ARID1B: variants seen among roughly 807,000 people sequenced by gnomAD.
The protein encoded by ARID1B is AT-rich interactive domain-containing protein 1B.
A neutral mutation model predicts 212.3 loss-of-function variants in ARID1B; 30 were observed. The observed-to-expected ratio is 0.14, with a 90% CI of 0.11 to 0.19. The LOEUF (loss-of-function observed/expected upper bound fraction) is 0.19, where lower values mean the gene tolerates loss of function less well. Among genes scored for constraint, ARID1B ranks in the 10% least tolerant of loss-of-function variants. The probability of loss-of-function intolerance (pLI) is 1.00; values close to 1 mark genes in which losing one functional copy is unlikely to be tolerated. For synonymous variants in ARID1B, 1,402 were observed against 1,301.7 expected, an observed-to-expected ratio of 1.08 and a Z score of -1.66; for missense variants, 2,891 against 3,204.0, an observed-to-expected ratio of 0.90 and a Z score of 2.36.
rs552215250 is a variant in ARID1B, at chr6:157,097,016, G to T, written c.2491+12111G>T. On this transcript the variant is annotated intron_variant, in intron 5 of 19. Transcript: ENST00000636930. ...CTGGAGATTTCACTCAGGAGCCTGGGGTTTTTTGTTTGTTTGTTTTTTAAG... is the reference window on the plus strand; with the variant it reads ...CTGGAGATTTCACTCAGGAGCCTGGTGTTTTTTGTTTGTTTGTTTTTTAAG... Among the ~76,000 whole-genome samples, 44 of 152,166 alleles carry T rather than the reference G, an allele frequency of 2.9e-4. 3 individuals carry two copies. The South Asian group carries it at 7.5e-3, about 26-fold the overall frequency.
chr6:156,790,532 A>G (rs1779940612), intron 1 of ARID1B, among the ~76,000 whole-genome samples: 1 of 152,230 alleles, frequency 6.6e-6, no homozygotes, highest in African/African-American at 2.4e-5. Context: ...CAAATTGGTA[A>G]AATGGATCTT....
At chr6:156,872,765 C>G (rs911484376) in intron 2 of ARID1B, among the ~76,000 whole-genome samples, 1 of 151,342 alleles carries the variant, frequency 6.6e-6, no homozygotes, top group Non-Finnish European at 1.5e-5. Context: ...CTCTTCAGCA[C>G]CCTTTTCCAA....
At chr6:156,927,774 T>C (rs891822338) in intron 3 of ARID1B, among the ~76,000 whole-genome samples, 2 of 152,236 alleles carry the variant, frequency 1.3e-5, no homozygotes, top group Non-Finnish European at 2.9e-5. Flanking sequence ...ATTCTAAGTA[T>C]AAGCTCCTAG....
In ARID1B at chr6:156,778,864, G is replaced by A; in HGVS notation, c.1184G>A (p.Gly395Asp). 1 of 1,408,164 alleles carries A rather than the reference G, an allele frequency of 7.1e-7. No homozygotes were observed. Among genetic ancestry groups the A allele is most frequent in the Non-Finnish European group, 9.3e-7 (1 of 1,077,736 alleles). The allele number at this position is 1,408,164 out of a possible 1,614,324, so 87.2% of individuals were successfully genotyped here. The change falls in exon 1 of 20, where the codon GGC becomes GAC. Residue 395 changes from glycine to aspartate, a missense_variant. This residue lies in a region of ARID1B where 1,643 missense variants were observed against 1,544.0 expected (regional missense o/e 1.06). Transcript: ENST00000636930. ...SRPGAGGGGGGGGGGGGGSGG... is the reference protein window; with the variant it reads ...SRPGAGGGGGDGGGGGGGSGG... The stretch of plus-strand genomic sequence containing the variant: ...CCCGGCGCGGGCGGCGGCGGCGGCG[G>A]CGGCGGCGGAGGAGGAGGAGGCAGC...
chr6:156,983,154 G>A (rs1444574277), intron 4 of ARID1B, among the ~76,000 whole-genome samples: 1 of 151,856 alleles, frequency 6.6e-6, no homozygotes, highest in South Asian at 2.1e-4. Context: ...TGTAATCCCA[G>A]CATAGGCTGA....
At position 156,935,473 on chromosome 6, in the gene ARID1B, C is replaced by T; in HGVS notation, c.2144C>T (p.Ser715Phe). The change falls in exon 4 of 20, where the codon TCT becomes TTT. Residue 715 changes from serine to phenylalanine, a missense_variant. Ser to Phe is a radical substitution (Grantham distance 155, BLOSUM62 -2). Around this residue, in one of 7 missense-constraint regions of ARID1B, gnomAD observed 1,643 missense variants for 1,544.0 expected, o/e 1.06. Coordinates refer to ENST00000636930, the MANE Select transcript of ARID1B (RefSeq NM_001374828.1). ...QQRYQPQQDM[S>F]QEGYGTRSQP... ...GTTTGTGTTTTTTTTTAGGACATGT[C>T]TCAGGAAGGCTATGGAACTAGATCT... 6.2e-7 allele frequency: 1 copy of T among 1,611,810 alleles called. No homozygotes were observed.
At chr6:157,090,102 A>C (rs1785186400) in intron 5 of ARID1B, among the ~76,000 whole-genome samples, 1 of 152,238 alleles carries the variant, frequency 6.6e-6, no homozygotes, top group Non-Finnish European at 1.5e-5. Context: ...CTCCAGAGCC[A>C]GCCATTCCAG....
rs150698489 is a variant in ARID1B, at chr6:157,207,754, A to T, written c.6982A>T (p.Met2328Leu). 4.6e-5 allele frequency: 73 copies of T among 1,584,864 alleles called. 1 individual carries two copies. Among genetic ancestry groups the T allele is most frequent in the Non-Finnish European group, 5.7e-5 (66 of 1,159,888 alleles). Residue 2328 changes from methionine to leucine, a missense_variant, in exon 20 of 20, where the codon ATG becomes TTG. Transcript: ENST00000636930. This position sits in a 1 kb window ranked among gnomAD's most constrained non-coding sequence, Gnocchi z 8.5. ...MCRAAKALLA[M>L]ARVDENRSEF... ...CAGGGCGGCCAAGGCTTTGCTAGCC[A>T]TGGCCAGAGTGGACGAAAACCGCTC...
At chr6:157,031,582 G>A (rs188695867) in intron 4 of ARID1B, among the ~76,000 whole-genome samples, 1 of 152,210 alleles carries the variant, frequency 6.6e-6, no homozygotes, top group Admixed American at 6.5e-5. Flanking sequence ...CCTGGAATTG[G>A]AGGCAAAATC....
chr6:156,871,410 G>A (rs1045190789), intron 2 of ARID1B, among the ~76,000 whole-genome samples: 4 of 152,236 alleles, frequency 2.6e-5, no homozygotes, highest in African/African-American at 9.6e-5. Flanking sequence ...GCTAGACAGA[G>A]TGGAAATCAG....
chr6:157,056,011 C>T (rs2128391624), intron 4 of ARID1B, among the ~76,000 whole-genome samples: 1 of 152,230 alleles, frequency 6.6e-6, no homozygotes, highest in African/African-American at 2.4e-5. Context: ...TAGGTCAGAC[C>T]CACCCAGGAA....
chr6:157,035,354 A>G (rs560308296), intron 4 of ARID1B, among the ~76,000 whole-genome samples: 1 of 152,370 alleles, frequency 6.6e-6, no homozygotes, highest in East Asian at 1.9e-4. Flanking sequence ...CGATGTTCAC[A>G]GTATTTAAGA....
intron 4 of ARID1B, among the ~76,000 whole-genome samples, chr6:157,054,971 T>C (rs540221690): frequency 1.3e-5 from 2 of 152,278 alleles, no homozygotes; most frequent in South Asian, 4.1e-4. Context: ...TTCCATTCAG[T>C]TTAGAACTGG....
intron 4 of ARID1B, among the ~76,000 whole-genome samples, chr6:157,033,505 G>T (rs12199527): frequency 0.31 from 46,675 of 152,114 alleles, 7,324 homozygotes; most frequent in Non-Finnish European, 0.32. Flanking sequence ...TAAAAAGGAC[G>T]TTGAAAGTGA....
chr6:156,793,232 C>A (rs1780131404), intron 1 of ARID1B, among the ~76,000 whole-genome samples: 1 of 152,070 alleles, frequency 6.6e-6, no homozygotes, highest in Non-Finnish European at 1.5e-5. Flanking sequence ...GTCAGGATGG[C>A]CAAGTGGAGA....
At chr6:156,821,051 G>C (rs1274167030) in intron 1 of ARID1B, among the ~76,000 whole-genome samples, 1 of 152,238 alleles carries the variant, frequency 6.6e-6, no homozygotes, top group Non-Finnish European at 1.5e-5. Flanking sequence ...TGATTTCATT[G>C]ATGGTTGATG....
rs958517873 is a variant in ARID1B at position 157,206,065 on chromosome 6, G to A, written c.5395-102G>A. 7.1e-6 allele frequency: 9 copies of A among 1,262,236 alleles called. No individual in the cohort carries two copies. The South Asian group carries it at 1.3e-4, about 18-fold the overall frequency. The allele number at this position is 1,262,236 out of a possible 1,614,324, so 78.2% of individuals were successfully genotyped here. ...GGGAGACAAACGTGTGACAATGATGGAAAGGTATTGACGGGTCTCAGGATC... is the reference window on the plus strand; with the variant it reads ...GGGAGACAAACGTGTGACAATGATGAAAAGGTATTGACGGGTCTCAGGATC... On this transcript the variant is annotated intron_variant, in intron 19 of 19. Transcript: ENST00000636930. This position sits in a 1 kb window ranked among gnomAD's most constrained non-coding sequence, Gnocchi z 6.8.
chr6:156,885,110 G>A (rs1787402377), intron 2 of ARID1B, among the ~76,000 whole-genome samples: 1 of 152,078 alleles, frequency 6.6e-6, no homozygotes, highest in Admixed American at 6.5e-5. Context: ...TGGTAATATA[G>A]CTAAAATAAA....
At chr6:156,810,177 A>G (rs554811397) in intron 1 of ARID1B, among the ~76,000 whole-genome samples, 18 of 152,196 alleles carry the variant, frequency 1.2e-4, no homozygotes, top group Admixed American at 2.6e-4. Context: ...TCAGTTCACT[A>G]TTTTGTACAC....
Sources: allele counts gnomAD v4.1 joint callset (sites outside exome capture counted in the v4.1 genomes callset), GRCh38; gene constraint gnomAD v4.1.1; regional missense constraint gnomAD v4.1.1; non-coding constraint Gnocchi (gnomAD v3.1); transcripts MANE v1.5; gene names NCBI Gene and HGNC (gene_info 2026-07-23, HGNC 2026-07-21).